The following NRXN3 variants were observed in gnomAD, a reference collection of about 807,000 sequenced individuals.
The protein encoded by NRXN3 is neurexin 3.
Under a neutral mutation model 137.6 loss-of-function variants are expected in NRXN3, and 32 were observed. That is an observed-to-expected ratio of 0.23 (90% CI 0.18 to 0.31). The LOEUF is 0.31. NRXN3 is among the 10% of genes least tolerant of loss of function. NRXN3 has a pLI of 1.00. For missense variants in NRXN3, 1,574 were observed against 2,062.5 expected (o/e 0.76, Z 4.59); for synonymous variants, 798 against 784.5 (o/e 1.02, Z -0.29).
At chr14:79,529,184 C>T (rs1474927986) in intron 16 of NRXN3, among the ~76,000 whole-genome samples, 2 of 152,160 alleles carry the variant, frequency 1.3e-5, no homozygotes, top group Admixed American at 1.3e-4. Flanking sequence ...GCTCACAACA[C>T]TAAAGATTTC....
At chr14:79,664,817 G>A (rs2153987703) in intron 17 of NRXN3, among the ~76,000 whole-genome samples, 1 of 152,224 alleles carries the variant, frequency 6.6e-6, no homozygotes, top group South Asian at 2.1e-4. Flanking sequence ...CAATTGCACT[G>A]TCATCTGATG....
At chr14:78,224,435 C>A (rs2064238770) in intron 1 of NRXN3, among the ~76,000 whole-genome samples, 1 of 152,028 alleles carries the variant, frequency 6.6e-6, no homozygotes, top group African/African-American at 2.4e-5. Flanking sequence ...CTCGCCCCAC[C>A]CCACAACAGT....
At chr14:79,543,422 C>A (rs1020776906) in intron 16 of NRXN3, among the ~76,000 whole-genome samples, 2 of 152,114 alleles carry the variant, frequency 1.3e-5, no homozygotes, top group Admixed American at 6.5e-5. Context: ...AGTTCCAGGT[C>A]AGTTGTTTAT....
In NRXN3 at chr14:79,049,053, AAAAAAAAAAAAAAAAAAAAAAT is replaced by A. The variant is rs869080526; in HGVS notation, c.3262+60915_3262+60936del. ...AAAAAAAAAAAAAAAAAAAAAAAAA[AAAAAAAAAAAAAAAAAAAAAAT>A]AATAATAATAATAATAATAATATGA... On this transcript the variant is annotated intron_variant, in intron 15 of 20. Transcript: ENST00000335750. Among the ~76,000 whole-genome samples, 416 of 57,016 alleles carry A rather than the reference AAAAAAAAAAAAAAAAAAAAAAT, an allele frequency of 7.3e-3. 11 individuals carry two copies. Among genetic ancestry groups the A allele is most frequent in the African/African-American group, 9.0e-3 (141 of 15,634 alleles). 37.4% of individuals were successfully genotyped at this position (57,016 alleles called of 152,430 possible). A position where few individuals can be genotyped will look rare whatever the true frequency, so the allele number is the denominator to read the frequency against.
At chr14:79,129,323 A>G (rs1326368811) in intron 15 of NRXN3, among the ~76,000 whole-genome samples, 1 of 147,824 alleles carries the variant, frequency 6.8e-6, no homozygotes, top group African/African-American at 2.6e-5. Context: ...TTAGTGCTAT[A>G]AATTTCCCTC....
chr14:79,318,931 T>C (rs1482610923), intron 15 of NRXN3, among the ~76,000 whole-genome samples: 1 of 152,214 alleles, frequency 6.6e-6, no homozygotes, highest in Non-Finnish European at 1.5e-5. Flanking sequence ...ACCCTAATCA[T>C]TGAATATTGA....
At chr14:78,840,006 A>T (rs2099007616) in intron 10 of NRXN3, among the ~76,000 whole-genome samples, 1 of 152,204 alleles carries the variant, frequency 6.6e-6, no homozygotes, top group Non-Finnish European at 1.5e-5. Flanking sequence ...AAGATCCAAG[A>T]ATATCAGCTT....
At chr14:79,586,192 A>G (rs894096108) in intron 16 of NRXN3, among the ~76,000 whole-genome samples, 1 of 152,248 alleles carries the variant, frequency 6.6e-6, no homozygotes, top group Admixed American at 6.5e-5. Flanking sequence ...GTGGTATTTT[A>G]TATTATTTGT....
chr14:79,705,605 C>T (rs2098774806), intron 19 of NRXN3, among the ~76,000 whole-genome samples: 1 of 152,138 alleles, frequency 6.6e-6, no homozygotes, highest in South Asian at 2.1e-4. Flanking sequence ...TCAATCTTCT[C>T]AGCCCTGCCT....
At chr14:78,459,347 T>C (rs2094849331) in intron 4 of NRXN3, among the ~76,000 whole-genome samples, 1 of 152,170 alleles carries the variant, frequency 6.6e-6, no homozygotes, top group Non-Finnish European at 1.5e-5. Context: ...CATGGAGATA[T>C]TGGCAGAGCA....
chr14:79,019,923 A>G (rs1391372202), intron 15 of NRXN3, among the ~76,000 whole-genome samples: 1 of 152,096 alleles, frequency 6.6e-6, no homozygotes, highest in Non-Finnish European at 1.5e-5. Context: ...CATCTGAAAG[A>G]CTTGGTTATG....
At chr14:78,184,937 G>A (rs957171213) in intron 1 of NRXN3, among the ~76,000 whole-genome samples, 1 of 152,216 alleles carries the variant, frequency 6.6e-6, no homozygotes, top group Admixed American at 6.5e-5. Flanking sequence ...TTATGATACA[G>A]ATTTGATTTC....
At chr14:79,680,070 G>T (rs1432997250) in intron 17 of NRXN3, among the ~76,000 whole-genome samples, 1 of 152,032 alleles carries the variant, frequency 6.6e-6, no homozygotes, top group East Asian at 1.9e-4. Context: ...CTAAAGAAAT[G>T]CCCCTTAAAT....
chr14:79,165,301 CT>C (rs1184760948), intron 15 of NRXN3, among the ~76,000 whole-genome samples: 1 of 151,934 alleles, frequency 6.6e-6, no homozygotes, highest in Non-Finnish European at 1.5e-5. Flanking sequence ...CACTAGAAGT[CT>C]TTAGGACATT....
intron 4 of NRXN3, among the ~76,000 whole-genome samples, chr14:78,380,790 G>GTTTTT (rs55664650): frequency 6.9e-6 from 1 of 145,608 alleles, no homozygotes; most frequent in Non-Finnish European, 1.5e-5. Context: ...ATCTTATCAA[G>GTTTTT]TTTTTTTTTT....
In NRXN3 at chr14:78,957,274, A is replaced by G; in HGVS notation, c.2308A>G (p.Lys770Glu). The G allele has an allele frequency of 6.2e-7, 1 of 1,614,118 alleles. No individual in the cohort carries two copies. Among genetic ancestry groups the G allele is most frequent in the Non-Finnish European group, 8.5e-7 (1 of 1,180,004 alleles). ...ACCAGAGACCTTGTATGCAGGGCAG[A>G]AGCTCAATGACAACGAGTGGCACAC... is the stretch of plus-strand genomic sequence containing the variant. ...KGPETLYAGQKLNDNEWHTVR... is the reference protein window; with the variant it reads ...KGPETLYAGQELNDNEWHTVR... Residue 770 changes from lysine to glutamate, a missense_variant, in exon 11 of 21, where the codon AAG becomes GAG. By Grantham distance (56) the Lys-to-Glu change is moderately conservative. This residue lies in a region of NRXN3 where 718 missense variants were observed against 887.6 expected (regional missense o/e 0.81). Transcript: ENST00000335750.
chr14:78,408,931 A>G (rs1349243112), intron 4 of NRXN3, among the ~76,000 whole-genome samples: 1 of 152,262 alleles, frequency 6.6e-6, no homozygotes, highest in Non-Finnish European at 1.5e-5. Flanking sequence ...AGCTATTAAT[A>G]GAAACTAACA....
At chr14:79,584,737 A>G (rs1219492843) in intron 16 of NRXN3, among the ~76,000 whole-genome samples, 4 of 152,178 alleles carry the variant, frequency 2.6e-5, no homozygotes, top group Non-Finnish European at 5.9e-5. Flanking sequence ...TTGGAGTGAC[A>G]ATAGAAGAGC....
intron 19 of NRXN3, among the ~76,000 whole-genome samples, chr14:79,772,322 A>G (rs546409143): frequency 4.9e-4 from 75 of 152,234 alleles, no homozygotes; most frequent in African/African-American, 1.7e-3. Context: ...TCACCAAGTC[A>G]ATCCTAAGCC....
Sources: gnomAD v4.1 joint callset for allele counts (sites outside exome capture counted in the v4.1 genomes callset) on GRCh38, gnomAD v4.1.1 for gene constraint, gnomAD v4.1.1 regional missense constraint, MANE v1.5 for transcripts, NCBI Gene and HGNC (gene_info 2026-07-23, HGNC 2026-07-21) for gene names.